FAM169A: variants seen among roughly 807,000 people sequenced by gnomAD.
FAM169A encodes the protein soluble lamin-associated protein of 75 kDa.
FAM169A carries 24 observed loss-of-function variants against 75.7 expected under a neutral mutation model. That is an observed-to-expected ratio of 0.32 (90% confidence interval 0.23 to 0.45). The LOEUF (loss-of-function observed/expected upper bound fraction) is 0.45, where lower values mean the gene tolerates loss of function less well. Among genes scored for constraint, FAM169A ranks in the 20% least tolerant of loss-of-function variants. FAM169A has a pLI of 1.00. For synonymous variants in FAM169A, 271 were observed against 271.0 expected (o/e 1.00, Z 0.00); for missense variants, 673 against 784.0 (o/e 0.86, Z 1.69).
rs1349892975 is a variant in FAM169A, at chr5:74,823,530, T to C, written c.491-9511A>G. Among the ~76,000 whole-genome samples, 4 of 152,334 alleles carry C rather than the reference T, an allele frequency of 2.6e-5. No homozygotes were observed. In the East Asian group the frequency reaches 7.7e-4, roughly 29 times the overall value. On this transcript the variant is annotated intron_variant, in intron 5 of 12. Transcript: ENST00000687041. The stretch of plus-strand genomic sequence containing the variant: ...ATCTAATAATACAGCTTATCGACTA[T>C]GATGTTGTGGGTTTTACTGTCTCAT...
intron 1 of FAM169A, among the ~76,000 whole-genome samples, chr5:74,850,271 T>A (rs1042905929): frequency 1.3e-5 from 2 of 152,190 alleles, no homozygotes; most frequent in African/African-American, 4.8e-5. Context: ...GACTCCGATG[T>A]CTGTTTTTTT....
In FAM169A at chr5:74,777,590, A is replaced by T. The variant is rs1355907773; in HGVS notation, c.*3870T>A. On this transcript the variant is annotated 3_prime_UTR_variant, in exon 13 of 13. Transcript: ENST00000687041. Reference sequence around the variant, plus strand: ...ATCACCACATTGTTTTAAATTGTTTATTTTTTTTTTAAAGAAGTCTGTCTT... The same window carrying T: ...ATCACCACATTGTTTTAAATTGTTTTTTTTTTTTTTAAAGAAGTCTGTCTT... The T allele has an allele frequency of 1.3e-5, 2 of 150,206 alleles. No individual in the cohort carries two copies. The highest frequency in any genetic ancestry group is 3.0e-5 in the Non-Finnish European group (2 of 67,356). The allele number at this position is 150,206 out of a possible 1,614,324, so 9.3% of individuals were successfully genotyped here. A position where few individuals can be genotyped will look rare whatever the true frequency, so the allele number is the denominator to read the frequency against.
intron 11 of FAM169A, among the ~76,000 whole-genome samples, chr5:74,791,780 A>G (rs930881723): frequency 6.8e-6 from 1 of 146,798 alleles, no homozygotes; most frequent in South Asian, 2.1e-4. Flanking sequence ...CTCCACTAGG[A>G]AAAAAAAACA....
intron 3 of FAM169A, among the ~76,000 whole-genome samples, chr5:74,839,556 C>T (rs924657153): frequency 2.1e-5 from 3 of 144,058 alleles, no homozygotes; most frequent in African/African-American, 5.2e-5. Context: ...TGGAGTTTCA[C>T]TCTTATTGTC....
In FAM169A at chr5:74,844,060, T is replaced by C. The variant is rs1375177340; in HGVS notation, c.-3-2381A>G. 3.9e-5 allele frequency among the ~76,000 whole-genome samples: 6 copies of C among 152,078 alleles called. No homozygotes were observed. In the East Asian group the frequency reaches 1.2e-3, roughly 29 times the overall value. On this transcript the variant is annotated intron_variant, in intron 1 of 12. Coordinates refer to ENST00000687041, the MANE Select transcript of FAM169A (RefSeq NM_001376049.1). ...TTCTTCCAAATATATGACATGGAGTTTATAGAAAAAAAGTAAGATGGAAAG... is the reference window on the plus strand; with the variant it reads ...TTCTTCCAAATATATGACATGGAGTCTATAGAAAAAAAGTAAGATGGAAAG...
intron 10 of FAM169A, chr5:74,800,196 A>T (rs745835762): frequency 3.7e-6 from 1 of 273,206 alleles, no homozygotes; most frequent in Non-Finnish European, 7.0e-6. Flanking sequence ...TCACGCCAAT[A>T]TCATGTGGTT....
At chr5:74,852,606 G>C (rs915654281) in intron 1 of FAM169A, among the ~76,000 whole-genome samples, 1 of 152,056 alleles carries the variant, frequency 6.6e-6, no homozygotes, top group East Asian at 1.9e-4. Context: ...AGATAGTGGG[G>C]AAGACCCTCA....
At chr5:74,840,374 T>C (rs9765469) in intron 2 of FAM169A, among the ~76,000 whole-genome samples, 25,229 of 151,914 alleles carry the variant, frequency 0.17, 2,642 homozygotes, top group African/African-American at 0.3. Flanking sequence ...AGGGAAAATA[T>C]GAAAAGTTGT....
intron 5 of FAM169A, among the ~76,000 whole-genome samples, chr5:74,814,838 T>C (rs181292367): frequency 3.4e-4 from 52 of 152,360 alleles, no homozygotes; most frequent in Admixed American, 7.2e-4. Context: ...TGTGTCATAC[T>C]TCCTGTTAAT....
At chr5:74,829,250 A>C (rs907785262) in intron 5 of FAM169A, among the ~76,000 whole-genome samples, 7 of 152,190 alleles carry the variant, frequency 4.6e-5, no homozygotes, top group Admixed American at 2.0e-4. Flanking sequence ...CGGAACGACT[A>C]TAAAATATCT....
chr5:74,814,316 C>T (rs1205846343), intron 5 of FAM169A, among the ~76,000 whole-genome samples: 2 of 151,836 alleles, frequency 1.3e-5, no homozygotes, highest in African/African-American at 4.8e-5. Flanking sequence ...ATATATATAC[C>T]ATCACTGTCT....
At chr5:74,837,961 T>C (rs995286674) in intron 4 of FAM169A, among the ~76,000 whole-genome samples, 1 of 151,390 alleles carries the variant, frequency 6.6e-6, no homozygotes, top group African/African-American at 2.4e-5. Context: ...CTACTAAAAA[T>C]ACAAAATTAG....
Position 74,781,563 on chromosome 5 carries a change from G to A in FAM169A, c.1910C>T (p.Ser637Leu). The change falls in exon 13 of 13, where the codon TCA becomes TTA. Residue 637 changes from serine (S) to leucine (L), a missense_variant. By Grantham distance (145) the Ser-to-Leu change is moderately radical. Around this residue, in one of 3 missense-constraint regions of FAM169A, gnomAD observed 510 missense variants for 550.9 expected, o/e 0.93. Transcript: ENST00000687041. ...QSAEKAVDSS[S>L]EEIEVEVPVV... ...AGGCACTTCCACTTCTATTTCCTCT[G>A]AGCTGCTATCCACAGCTTTTTCTGC... 2 of 1,614,042 alleles carry A rather than the reference G, an allele frequency of 1.2e-6. No homozygotes were observed. Among genetic ancestry groups the A allele is most frequent in the Non-Finnish European group, 8.5e-7 (1 of 1,179,992 alleles).
chr5:74,788,977 T>C (rs1745835646), intron 11 of FAM169A, among the ~76,000 whole-genome samples: 1 of 152,224 alleles, frequency 6.6e-6, no homozygotes, highest in Non-Finnish European at 1.5e-5. Flanking sequence ...TCCTGGTACC[T>C]GGTATGCAGC....
At chr5:74,836,315 T>G (rs912809652) in intron 4 of FAM169A, among the ~76,000 whole-genome samples, 2 of 148,738 alleles carry the variant, frequency 1.3e-5, no homozygotes, top group African/African-American at 5.2e-5. Context: ...TTATGTTAGA[T>G]CTTTCTCTTT....
rs1745185978 is a variant in FAM169A, at chr5:74,777,601, AAAG to A, written c.*3856_*3858del. 6.6e-6 allele frequency: 1 copy of A among 151,768 alleles called. No homozygotes were observed. Among genetic ancestry groups the A allele is most frequent in the Non-Finnish European group, 1.5e-5 (1 of 67,856 alleles). 9.4% of individuals were successfully genotyped at this position (151,768 alleles called of 1,614,324 possible). A position where few individuals can be genotyped will look rare whatever the true frequency, so the allele number is the denominator to read the frequency against. On this transcript the variant is annotated 3_prime_UTR_variant, in exon 13 of 13. Coordinates refer to ENST00000687041, the MANE Select transcript of FAM169A (RefSeq NM_001376049.1). ...GTTTTAAATTGTTTATTTTTTTTTT[AAAG>A]AAGTCTGTCTTCAGAGTACAACCAA...
chr5:74,799,087 G>A (rs1167459303), intron 10 of FAM169A: 2 of 984,626 alleles, frequency 2.0e-6, no homozygotes, highest in Admixed American at 1.7e-5. Context: ...TAATCACGAA[G>A]TGCACATCTA....
intron 10 of FAM169A, among the ~76,000 whole-genome samples, chr5:74,798,252 A>G (rs1746380350): frequency 1.3e-5 from 2 of 152,196 alleles, no homozygotes; most frequent in African/African-American, 4.8e-5. Context: ...CAATCCTTTG[A>G]GGGCAAAGAT....
intron 1 of FAM169A, among the ~76,000 whole-genome samples, chr5:74,845,717 T>C (rs1470309153): frequency 6.6e-6 from 1 of 152,190 alleles, no homozygotes; most frequent in Non-Finnish European, 1.5e-5. Flanking sequence ...GTGAAATGAT[T>C]TGGGAGTAAT....
Sources: gnomAD v4.1 joint callset for allele counts (sites outside exome capture counted in the v4.1 genomes callset) on GRCh38, gnomAD v4.1.1 for gene constraint, gnomAD v4.1.1 regional missense constraint, MANE v1.5 for transcripts, NCBI Gene and HGNC (gene_info 2026-07-23, HGNC 2026-07-21) for gene names.